Variants in MPHOSPH8 observed in about 807,000 individuals in gnomAD.
MPHOSPH8 encodes M-phase phosphoprotein 8.
Under a neutral mutation model 87.3 loss-of-function variants are expected in MPHOSPH8, and 45 were observed. That is an observed-to-expected ratio of 0.52 (90% CI 0.41 to 0.66). MPHOSPH8 has a LOEUF of 0.66. Ranked by LOEUF, MPHOSPH8 falls within the 30% of genes least tolerant of loss-of-function variation. The probability of loss-of-function intolerance (pLI) is 0.00; values close to 1 mark genes in which losing one functional copy is unlikely to be tolerated. For synonymous variants in MPHOSPH8, 366 were observed against 376.9 expected, an observed-to-expected ratio of 0.97 and a Z score of 0.33; for missense variants, 883 against 1,020.2, an observed-to-expected ratio of 0.87 and a Z score of 1.83.
intron 5 of MPHOSPH8, among the ~76,000 whole-genome samples, chr13:19,656,277 CAAAAAAAA>C (rs71198922): frequency 1.2e-4 from 9 of 72,246 alleles, no homozygotes; most frequent in Non-Finnish European, 1.9e-4. Flanking sequence ...AGACTGTTGT[CAAAAAAAA>C]AAAAAAAAAA....
At chr13:19,656,743 A>T (rs1231960806) in intron 5 of MPHOSPH8, among the ~76,000 whole-genome samples, 2 of 147,464 alleles carry the variant, frequency 1.4e-5, no homozygotes, top group African/African-American at 5.0e-5. Flanking sequence ...CTGGGGGACA[A>T]GAGTGAGACT....
chr13:19,670,711 T>C lies in MPHOSPH8; in HGVS notation c.2457+348T>C, dbSNP rs566797230. 4.5e-4 allele frequency: 494 copies of C among 1,107,160 alleles called. 8 individuals are homozygous for C. In the South Asian group the frequency reaches 8.0e-3, roughly 18 times the overall value. 68.6% of individuals were successfully genotyped at this position (1,107,160 alleles called of 1,614,324 possible). On this transcript the variant is annotated intron_variant, in intron 12 of 13. Coordinates refer to ENST00000361479, the MANE Select transcript of MPHOSPH8 (RefSeq NM_017520.4). ...TGAATTAAGCAAAATTTGCTAGATA[T>C]AGACATTTTAACACTTGTACTGTAT... is the stretch of plus-strand genomic sequence containing the variant.
intron 5 of MPHOSPH8, among the ~76,000 whole-genome samples, chr13:19,654,742 A>T (rs538535252): frequency 6.6e-6 from 1 of 152,190 alleles, no homozygotes; most frequent in Non-Finnish European, 1.5e-5. Context: ...TGAGGTCGGG[A>T]GTTCGAGACC....
rs1875781652 is a variant in MPHOSPH8, at chr13:19,665,790, AT to A, written c.2020-633del. 3.3e-5 allele frequency among the ~76,000 whole-genome samples: 5 copies of A among 152,216 alleles called. No homozygotes were observed. The South Asian group carries it at 1.0e-3, about 32-fold the overall frequency. ...AAATGGAAACGTGCCACTCAGAAGA[AT>A]TAAGGGACTTATCTGAAGTCACGTG... On this transcript the variant is annotated intron_variant, in intron 9 of 13. Coordinates refer to ENST00000361479, the MANE Select transcript of MPHOSPH8 (RefSeq NM_017520.4).
intron 5 of MPHOSPH8, 142 bp from the exon 6 acceptor site, chr13:19,658,853 A>T (rs1462632800): frequency 9.8e-7 from 1 of 1,022,428 alleles, no homozygotes; most frequent in African/African-American, 1.6e-5. Flanking sequence ...GATTTTATCA[A>T]TTAAAAGACC....
chr13:19,656,294 A>C lies in MPHOSPH8; in HGVS notation c.1577-2701A>C, dbSNP rs909436503. Among the ~76,000 whole-genome samples the C allele has an allele frequency of 6.0e-5, 9 of 151,156 alleles. No individual in the cohort carries two copies. The South Asian group carries it at 6.3e-4, about 10-fold the overall frequency. Reference sequence around the variant, plus strand: ...ACTGTTGTCAAAAAAAAAAAAAAAAAAAAAAACTGTCGTCATCAGATTCAT... The same window carrying C: ...ACTGTTGTCAAAAAAAAAAAAAAAACAAAAAACTGTCGTCATCAGATTCAT... On this transcript the variant is annotated intron_variant, in intron 5 of 13. Transcript: ENST00000361479.
chr13:19,659,180 T>C (rs921351252), intron 6 of MPHOSPH8, 21 bp from the exon 7 acceptor site: 13 of 1,609,216 alleles, frequency 8.1e-6, no homozygotes, highest in Non-Finnish European at 1.0e-5. Context: ...AAAATCTAAC[T>C]TATTTTTTCT....
intron 10 of MPHOSPH8, 95 bp downstream of exon 10, chr13:19,666,674 C>A: frequency 9.0e-7 from 1 of 1,115,810 alleles, no homozygotes; most frequent in South Asian, 2.6e-5. Context: ...TGTAACTGCT[C>A]AGAAAAACAT....
intron 2 of MPHOSPH8, among the ~76,000 whole-genome samples, chr13:19,645,955 G>T (rs9506313): frequency 0.66 from 101,024 of 152,014 alleles, 37,401 homozygotes; most frequent in East Asian, 0.89. Context: ...CATGAACTTG[G>T]GAAGTAAGAT....
chr13:19,665,511 C>A (rs1007066612), intron 9 of MPHOSPH8, among the ~76,000 whole-genome samples: 7 of 151,748 alleles, frequency 4.6e-5, no homozygotes, highest in Non-Finnish European at 8.8e-5. Context: ...CTGTCCTGGA[C>A]GGCGTCCCTA....
rs187103794 is a variant in MPHOSPH8, at chr13:19,657,951, C to G, written c.1577-1044C>G. 4.6e-5 allele frequency among the ~76,000 whole-genome samples: 7 copies of G among 152,352 alleles called. No homozygotes were observed. In the East Asian group the frequency reaches 1.4e-3, roughly 29 times the overall value. ...AACCCTGGAGCCTCTCCCAGCCTCTCTCATCTGTAACATGTCTCCCCTTAC... is the reference window on the plus strand; with the variant it reads ...AACCCTGGAGCCTCTCCCAGCCTCTGTCATCTGTAACATGTCTCCCCTTAC... On this transcript the variant is annotated intron_variant, in intron 5 of 13. Transcript: ENST00000361479.
At chr13:19,648,793 A>T (rs1291057142) in intron 4 of MPHOSPH8, among the ~76,000 whole-genome samples, 1 of 152,146 alleles carries the variant, frequency 6.6e-6, no homozygotes, top group African/African-American at 2.4e-5. Context: ...ATTTGTGTAA[A>T]TATAATATTG....
chr13:19,660,713 G>A (rs1875478087), intron 7 of MPHOSPH8, among the ~76,000 whole-genome samples: 4 of 152,102 alleles, frequency 2.6e-5, no homozygotes. Flanking sequence ...ATGGTCATTA[G>A]AGTCTTTTTT....
At chr13:19,657,614 C>T (rs999906380) in intron 5 of MPHOSPH8, among the ~76,000 whole-genome samples, 1 of 151,862 alleles carries the variant, frequency 6.6e-6, no homozygotes, top group Admixed American at 6.6e-5. Flanking sequence ...AGAGGCAAGA[C>T]CCACACTTGT....
chr13:19,634,565 T>A (rs1417322761), intron 1 of MPHOSPH8, among the ~76,000 whole-genome samples: 5 of 152,208 alleles, frequency 3.3e-5, no homozygotes, highest in Non-Finnish European at 7.3e-5. Flanking sequence ...TGGACAGTTC[T>A]CTGCCCTCTT....
chr13:19,658,926 C>T (rs1875353699), intron 5 of MPHOSPH8, 69 bp from the exon 6 acceptor site: 1 of 1,565,322 alleles, frequency 6.4e-7, no homozygotes, highest in Non-Finnish European at 8.7e-7. Flanking sequence ...CCACAAATTT[C>T]ATAAACAACA....
At position 19,650,127 on chromosome 13, in the gene MPHOSPH8, C is replaced by G; in HGVS notation, c.1443C>G (p.His481Gln). ...IPLDFKTIDD[H>Q]KTKENKQSLK... is the part of the protein sequence containing the mutation. ...TGGATTTTAAAACCATAGACGATCA[C>G]AAAACCAAGGAAAACAAACAGTCAC... Residue 481 changes from histidine (H) to glutamine (Q), a missense_variant, in exon 5 of 14, where the codon CAC (histidine) becomes CAG (glutamine). Physicochemically the swap from His to Gln is conservative, Grantham distance 24. Around this residue, in one of 3 missense-constraint regions of MPHOSPH8, gnomAD observed 741 missense variants for 841.5 expected, o/e 0.88. Transcript: ENST00000361479. 1 of 1,614,056 alleles carries G rather than the reference C, an allele frequency of 6.2e-7. No homozygotes were observed. The highest frequency in any genetic ancestry group is 8.5e-7 in the Non-Finnish European group (1 of 1,179,996).
chr13:19,645,126 A>G (rs113953217), intron 2 of MPHOSPH8, among the ~76,000 whole-genome samples: 92 of 152,052 alleles, frequency 6.1e-4, no homozygotes, highest in African/African-American at 2.1e-3. Context: ...GGGGTCAGCC[A>G]CCTCTCCCCT....
rs375831785 is a variant in MPHOSPH8 at position 19,656,096 on chromosome 13, C to T, written c.1577-2899C>T. Among the ~76,000 whole-genome samples, 331 of 151,682 alleles carry T rather than the reference C, an allele frequency of 2.2e-3. 10 individuals are homozygous for T. In the South Asian group the frequency reaches 0.053, roughly 24 times the overall value. On this transcript the variant is annotated intron_variant, in intron 5 of 13. Coordinates refer to ENST00000361479, the MANE Select transcript of MPHOSPH8 (RefSeq NM_017520.4). ...AGCCTGGGCAACAAGAGCAAAACTCCGTCTCAACAACAACGTAATAAAATA... is the reference window on the plus strand; with the variant it reads ...AGCCTGGGCAACAAGAGCAAAACTCTGTCTCAACAACAACGTAATAAAATA...
Sources: gnomAD v4.1 joint callset for allele counts (sites outside exome capture counted in the v4.1 genomes callset) on GRCh38, gnomAD v4.1.1 for gene constraint, gnomAD v4.1.1 regional missense constraint, MANE v1.5 for transcripts, NCBI Gene and HGNC (gene_info 2026-07-23, HGNC 2026-07-21) for gene names.